TMTC1: variants seen among roughly 807,000 people sequenced by gnomAD.
The protein encoded by TMTC1 is transmembrane O-mannosyltransferase targeting cadherins 1.
Under a neutral mutation model 104.8 loss-of-function variants are expected in TMTC1, and 73 were observed. The ratio of observed to expected loss-of-function variants is 0.70; its 90% confidence interval spans 0.58 to 0.85. TMTC1 has a LOEUF of 0.85. TMTC1 is among the 40% of genes least tolerant of loss of function. TMTC1 has a pLI of 0.00. For missense variants in TMTC1, 1,035 were observed against 1,096.1 expected (o/e 0.94, Z 0.79); for synonymous variants, 434 against 428.7 (o/e 1.01, Z -0.15).
At chr12:29,691,377 C>A (rs1019056271) in intron 5 of TMTC1, among the ~76,000 whole-genome samples, 1 of 152,112 alleles carries the variant, frequency 6.6e-6, no homozygotes, top group African/African-American at 2.4e-5. Context: ...CCCCACTTCG[C>A]AAGCCCCTAC....
intron 9 of TMTC1, among the ~76,000 whole-genome samples, chr12:29,560,998 C>G (rs1375252325): frequency 6.6e-6 from 1 of 152,074 alleles, no homozygotes; most frequent in East Asian, 1.9e-4. Flanking sequence ...CCCTTCAAAA[C>G]TGCTTAAGTA....
intron 6 of TMTC1, among the ~76,000 whole-genome samples, chr12:29,630,225 A>G (rs1938226369): frequency 6.6e-6 from 1 of 152,204 alleles, no homozygotes; most frequent in Admixed American, 6.5e-5. Flanking sequence ...GGTAATTTAT[A>G]AAGAAAACAG....
chr12:29,659,441 C>G (rs1258938043), intron 5 of TMTC1, among the ~76,000 whole-genome samples: 3 of 152,186 alleles, frequency 2.0e-5, no homozygotes, highest in Non-Finnish European at 4.4e-5. Flanking sequence ...CACCTCCGCT[C>G]TCTCTCTTGC....
At chr12:29,671,896 C>T (rs1227980879) in intron 5 of TMTC1, among the ~76,000 whole-genome samples, 1 of 152,136 alleles carries the variant, frequency 6.6e-6, no homozygotes, top group Non-Finnish European at 1.5e-5. Flanking sequence ...GCAAGAGGGG[C>T]CAAGGGGAGA....
chr12:29,576,058 C>A (rs980463165), intron 8 of TMTC1, among the ~76,000 whole-genome samples: 1 of 152,262 alleles, frequency 6.6e-6, no homozygotes, highest in South Asian at 2.1e-4. Context: ...TCAAAGATAT[C>A]ATTCAGGTCC....
chr12:29,682,890 T>C (rs941843392), intron 5 of TMTC1, among the ~76,000 whole-genome samples: 8 of 152,204 alleles, frequency 5.3e-5, no homozygotes, highest in African/African-American at 1.9e-4. Flanking sequence ...TATACACACA[T>C]ATTGCATGGA....
Position 29,755,313 on chromosome 12 carries a change from G to A in TMTC1, c.731+396C>T, listed in dbSNP as rs575037307. Among the ~76,000 whole-genome samples, 3 of 152,290 alleles carry A rather than the reference G, an allele frequency of 2.0e-5. No homozygotes were observed. The South Asian group carries it at 6.2e-4, about 32-fold the overall frequency. On this transcript the variant is annotated intron_variant, in intron 4 of 17. Coordinates refer to ENST00000539277, the MANE Select transcript of TMTC1 (RefSeq NM_001193451.2). ...AGAGCAGGAAAAGGGGCTCTTTGAT[G>A]GATAACACTCATGCAAATGCAGGGA... is the stretch of plus-strand genomic sequence containing the variant.
chr12:29,735,685 G>C (rs1478991273), intron 5 of TMTC1, among the ~76,000 whole-genome samples: 1 of 152,176 alleles, frequency 6.6e-6, no homozygotes, highest in Admixed American at 6.5e-5. Flanking sequence ...AAGGAAGACT[G>C]CATTTTTAAC....
chr12:29,767,133 A>T (rs561534513), intron 2 of TMTC1, among the ~76,000 whole-genome samples: 1 of 150,170 alleles, frequency 6.7e-6, no homozygotes, highest in South Asian at 2.1e-4. Flanking sequence ...TTGTAATTTT[A>T]GTAGACATGG....
chr12:29,635,109 A>C (rs1177919427), intron 5 of TMTC1, among the ~76,000 whole-genome samples: 1 of 152,234 alleles, frequency 6.6e-6, no homozygotes, highest in Non-Finnish European at 1.5e-5. Context: ...ATTTTTAACT[A>C]AAAGGTAATA....
intron 11 of TMTC1, among the ~76,000 whole-genome samples, chr12:29,523,100 T>C (rs934333586): frequency 3.9e-5 from 6 of 152,220 alleles, no homozygotes; most frequent in Non-Finnish European, 7.3e-5. Flanking sequence ...AGTTACACTT[T>C]TGGGTATTTG....
Position 29,604,264 on chromosome 12 carries a change from C to A in TMTC1, c.1164G>T (p.Leu388Phe), listed in dbSNP as rs1190331172. 3.1e-6 allele frequency: 5 copies of A among 1,613,990 alleles called. No individual in the cohort carries two copies. The highest frequency in any genetic ancestry group is 4.2e-6 in the Non-Finnish European group (5 of 1,179,894). ...CTGGAATGAACGGGAACACCAGGAACAACAAGCCGACTAAAACCTCCTTGT... is the reference window on the plus strand; with the variant it reads ...CTGGAATGAACGGGAACACCAGGAAAAACAAGCCGACTAAAACCTCCTTGT... The part of the protein sequence containing the change: ...LEHKEVLVGL[L>F]FLVFPFIPAS... The change falls in exon 7 of 18, where the codon TTG becomes TTT. Residue 388 changes from leucine (L) to phenylalanine (F), a missense_variant. By Grantham distance (22) the Leu-to-Phe change is conservative. Coordinates refer to ENST00000539277, the MANE Select transcript of TMTC1 (RefSeq NM_001193451.2).
At chr12:29,658,821 G>A (rs1939880824) in intron 5 of TMTC1, 1 of 155,416 alleles carries the variant, frequency 6.4e-6, no homozygotes, top group South Asian at 1.9e-4. Flanking sequence ...TTAGAAGATG[G>A]TGGTTCCAGC....
chr12:29,631,135 T>A (rs140737366), intron 6 of TMTC1, among the ~76,000 whole-genome samples: 1 of 152,244 alleles, frequency 6.6e-6, no homozygotes, highest in Non-Finnish European at 1.5e-5. Flanking sequence ...TTAAGAGCAC[T>A]TTTAATATTC....
intron 10 of TMTC1, among the ~76,000 whole-genome samples, chr12:29,542,501 C>T (rs1033809745): frequency 6.6e-6 from 1 of 152,138 alleles, no homozygotes; most frequent in African/African-American, 2.4e-5. Flanking sequence ...TTTGTCTTTA[C>T]TTCTCTCTTA....
intron 6 of TMTC1, among the ~76,000 whole-genome samples, chr12:29,624,189 AG>A (rs1191848955): frequency 6.6e-6 from 1 of 152,126 alleles, no homozygotes; most frequent in Non-Finnish European, 1.5e-5. Context: ...CATATTGGCC[AG>A]GCTGGCTTCA....
chr12:29,570,021 G>A (rs1223733797), intron 9 of TMTC1, among the ~76,000 whole-genome samples: 2 of 152,072 alleles, frequency 1.3e-5, no homozygotes, highest in African/African-American at 4.8e-5. Flanking sequence ...ATGCCTGAGG[G>A]TCTGCCTTAC....
chr12:29,758,861 T>G lies in TMTC1; in HGVS notation c.481-84A>C, dbSNP rs906668775. The stretch of plus-strand genomic sequence containing the variant: ...ACACAAATCCATTACAGAAATGTAT[T>G]TGTTGTTAGATAAATGGAAGATATA... On this transcript the variant is annotated intron_variant, in intron 2 of 17. Transcript: ENST00000539277. 1.0e-5 allele frequency: 12 copies of G among 1,205,020 alleles called. No individual in the cohort carries two copies. The Admixed American group carries it at 3.4e-4, about 34-fold the overall frequency. The allele number at this position is 1,205,020 out of a possible 1,614,324, so 74.6% of individuals were successfully genotyped here. A position where few individuals can be genotyped will look rare whatever the true frequency, so the allele number is the denominator to read the frequency against.
chr12:29,601,507 A>G (rs1380262630), intron 7 of TMTC1, among the ~76,000 whole-genome samples: 13 of 152,206 alleles, frequency 8.5e-5, no homozygotes, highest in Admixed American at 5.9e-4. Context: ...CTTGATCACC[A>G]CATGAGTTGA....
Sources: allele counts gnomAD v4.1 joint callset (sites outside exome capture counted in the v4.1 genomes callset), GRCh38; gene constraint gnomAD v4.1.1; transcripts MANE v1.5; gene names NCBI Gene and HGNC (gene_info 2026-07-23, HGNC 2026-07-21).